The following TBC1D32 variants were observed in gnomAD, a reference collection of about 807,000 sequenced individuals.
The protein encoded by TBC1D32 is protein broad-minded.
A neutral mutation model predicts 170.3 loss-of-function variants in TBC1D32; 151 were observed. The observed-to-expected ratio is 0.89, with a 90% CI of 0.78 to 1.01. The LOEUF (loss-of-function observed/expected upper bound fraction) is 1.01, where lower values mean the gene tolerates loss of function less well. TBC1D32 is among the 50% of genes least tolerant of loss of function. The pLI is 0.00. For synonymous variants in TBC1D32, 498 were observed against 488.0 expected, an observed-to-expected ratio of 1.02 and a Z score of -0.27; for missense variants, 1,464 against 1,457.1, an observed-to-expected ratio of 1.00 and a Z score of -0.08.
At chr6:121,322,045 AG>A (rs1809809621) in intron 1 of TBC1D32, among the ~76,000 whole-genome samples, 4 of 152,142 alleles carry the variant, frequency 2.6e-5, no homozygotes, top group Admixed American at 1.3e-4. Flanking sequence ...AAACTTCAGC[AG>A]GTTAGAAGTC....
intron 22 of TBC1D32, chr6:121,170,291 T>C: frequency 1.9e-6 from 2 of 1,048,648 alleles, no homozygotes; most frequent in Non-Finnish European, 2.6e-6. Flanking sequence ...TTATTTAAAT[T>C]GATTGAATTT....
chr6:121,242,069 A>C, intron 18 of TBC1D32, 132 bp downstream of exon 18: 1 of 874,030 alleles, frequency 1.1e-6, no homozygotes, highest in South Asian at 1.9e-5. Flanking sequence ...AATCAAGTTG[A>C]CTATTACAAT....
chr6:121,185,466 TTGGTTGCCAAA>T (rs1169009111), intron 22 of TBC1D32, among the ~76,000 whole-genome samples: 2 of 152,112 alleles, frequency 1.3e-5, no homozygotes, highest in African/African-American at 4.8e-5. Context: ...CAATGCCAGA[TTGGTTGCCAAA>T]TTTGTATAGG....
chr6:121,324,291 T>C (rs1583765349), intron 1 of TBC1D32, among the ~76,000 whole-genome samples: 1 of 152,290 alleles, frequency 6.6e-6, no homozygotes, highest in East Asian at 1.9e-4. Context: ...AAAAATTACA[T>C]TTTATTCCCC....
intron 22 of TBC1D32, among the ~76,000 whole-genome samples, chr6:121,168,712 T>TAAAAAAAAAAAA (rs59283869): frequency 1.1e-5 from 1 of 93,894 alleles, no homozygotes; most frequent in African/African-American, 3.6e-5. Flanking sequence ...TAGAGTATAA[T>TAAAAAAAAAAAA]AAAAAAAAAA....
intron 20 of TBC1D32, among the ~76,000 whole-genome samples, chr6:121,229,589 C>T (rs981652574): frequency 3.9e-5 from 6 of 152,074 alleles, no homozygotes; most frequent in Non-Finnish European, 8.8e-5. Context: ...CATTAGAGGG[C>T]ACATTAATAA....
intron 22 of TBC1D32, among the ~76,000 whole-genome samples, chr6:121,171,034 G>A (rs1046686801): frequency 1.3e-5 from 2 of 151,848 alleles, no homozygotes; most frequent in African/African-American, 2.4e-5. Context: ...AAAGATACAA[G>A]CAGAAATCAT....
intron 21 of TBC1D32, among the ~76,000 whole-genome samples, chr6:121,211,923 G>C (rs776582733): frequency 1.3e-5 from 2 of 151,650 alleles, no homozygotes; most frequent in Non-Finnish European, 2.9e-5. Context: ...ACAGTTCCTC[G>C]ACCACAGTGC....
chr6:121,080,555 A>T lies in TBC1D32; in HGVS notation c.*216T>A. On this transcript the variant is annotated 3_prime_UTR_variant, in exon 32 of 32. Coordinates refer to ENST00000398212, the MANE Select transcript of TBC1D32 (RefSeq NM_152730.6). Reference sequence around the variant, plus strand: ...CATGAATAAGAACTAAAAGTAAGCTAGATCTGATTCTATAATAACCTTACA... The same window carrying T: ...CATGAATAAGAACTAAAAGTAAGCTTGATCTGATTCTATAATAACCTTACA... 1.9e-6 allele frequency: 1 copy of T among 536,344 alleles called. No homozygotes were observed. The highest frequency in any genetic ancestry group is 3.0e-6 in the Non-Finnish European group (1 of 331,620). 33.2% of individuals were successfully genotyped at this position (536,344 alleles called of 1,614,324 possible). A position where few individuals can be genotyped will look rare whatever the true frequency, so the allele number is the denominator to read the frequency against.
At chr6:121,245,885 A>G in intron 17 of TBC1D32, among the ~76,000 whole-genome samples, 1 of 152,154 alleles carries the variant, frequency 6.6e-6, no homozygotes, top group South Asian at 2.1e-4. Flanking sequence ...AGGTGGATAG[A>G]TTTCCTGCTG....
intron 21 of TBC1D32, among the ~76,000 whole-genome samples, chr6:121,214,683 C>T (rs1351849049): frequency 6.6e-6 from 1 of 152,180 alleles, no homozygotes; most frequent in Non-Finnish European, 1.5e-5. Context: ...TAGATCTGGG[C>T]TACATGAAGG....
chr6:121,160,037 T>C lies in TBC1D32; in HGVS notation c.2746A>G (p.Ile916Val). Residue 916 changes from isoleucine to valine, a missense_variant, in exon 24 of 32, where the codon ATT (isoleucine) becomes GTT (valine). Around this residue, in one of 3 missense-constraint regions of TBC1D32, gnomAD observed 1,363 missense variants for 1,338.1 expected, o/e 1.02. Transcript: ENST00000398212. ...TGTTTTATACCAGCATTTCTTGTAA[T>C]GTCTGACAGATAGCAGTTTGGCAAT... ...YPLPNCYLSD[I>V]TRNAGIKQDN... 1.2e-6 allele frequency: 2 copies of C among 1,607,506 alleles called. No individual in the cohort carries two copies. Among genetic ancestry groups the C allele is most frequent in the Non-Finnish European group, 1.7e-6 (2 of 1,174,686 alleles).
Position 121,116,774 on chromosome 6 carries a change from G to A in TBC1D32, c.2984-1533C>T, listed in dbSNP as rs142465535. ...TGGATGTGTTAAATAGTTCTTCCCT[G>A]TGAAAGAAAAGAGTTCTTACATAGT... On this transcript the variant is annotated intron_variant, in intron 26 of 31. Coordinates refer to ENST00000398212, the MANE Select transcript of TBC1D32 (RefSeq NM_152730.6). Among the ~76,000 whole-genome samples the A allele has an allele frequency of 8.7e-4, 132 of 152,272 alleles. 1 individual carries two copies. The highest frequency in any genetic ancestry group is 3.0e-3 in the African/African-American group (126 of 41,556).
At chr6:121,217,618 G>A (rs776086586) in intron 21 of TBC1D32, among the ~76,000 whole-genome samples, 2 of 152,132 alleles carry the variant, frequency 1.3e-5, no homozygotes, top group African/African-American at 2.4e-5. Context: ...ACAAAGAGGG[G>A]AACAACAGAC....
intron 26 of TBC1D32, among the ~76,000 whole-genome samples, chr6:121,124,526 T>C (rs1780627425): frequency 6.6e-6 from 1 of 152,232 alleles, no homozygotes; most frequent in South Asian, 2.1e-4. Context: ...GAGTGGAATC[T>C]AATTGTTGAC....
chr6:121,092,297 T>G lies in TBC1D32; in HGVS notation c.3466-1256A>C, dbSNP rs1048817981. Among the ~76,000 whole-genome samples the G allele has an allele frequency of 5.4e-4, 41 of 75,478 alleles. No homozygotes were observed. The African/African-American group carries it at 5.9e-3, about 11-fold the overall frequency. 49.5% of individuals were successfully genotyped at this position (75,478 alleles called of 152,430 possible). A position where few individuals can be genotyped will look rare whatever the true frequency, so the allele number is the denominator to read the frequency against. On this transcript the variant is annotated intron_variant, in intron 30 of 31. Coordinates refer to ENST00000398212, the MANE Select transcript of TBC1D32 (RefSeq NM_152730.6). ...TCTCTTCTCCTTCAGTTTTATGTTT[T>G]TTTTTTTTTTTTTTTTTTTTTTTTT...
At chr6:121,274,979 G>C (rs1349228931) in intron 15 of TBC1D32, among the ~76,000 whole-genome samples, 1 of 152,052 alleles carries the variant, frequency 6.6e-6, no homozygotes, top group Non-Finnish European at 1.5e-5. Flanking sequence ...CAAAAAAAAA[G>C]ATTAACTCCA....
chr6:121,212,450 CTTTTTTTTTT>C (rs3076854), intron 21 of TBC1D32, among the ~76,000 whole-genome samples: 1 of 102,100 alleles, frequency 9.8e-6, no homozygotes, highest in African/African-American at 3.2e-5. Context: ...GTCAATATCT[CTTTTTTTTTT>C]TTTTTTTTTT....
Position 121,255,332 on chromosome 6 carries a change from T to C in TBC1D32, c.2014A>G (p.Asn672Asp). 1 of 1,560,838 alleles carries C rather than the reference T, an allele frequency of 6.4e-7. No individual in the cohort carries two copies. Among genetic ancestry groups the C allele is most frequent in the South Asian group, 1.2e-5 (1 of 82,702 alleles). The change falls in exon 17 of 32, where the codon AAC (asparagine) becomes GAC (aspartate). Residue 672 changes from asparagine (N) to aspartate (D), a missense_variant. Asn to Asp is a conservative substitution (Grantham distance 23, BLOSUM62 1). Transcript: ENST00000398212. ...ACTTTCATCAATTGTACTTACATGT[T>C]TTGGGATTCCTGGCTTACTGAAGAA... ...SVSSVSQESQNIMAWEDNLLD... is the reference protein window; with the variant it reads ...SVSSVSQESQDIMAWEDNLLD...
Sources: allele counts gnomAD v4.1 joint callset (sites outside exome capture counted in the v4.1 genomes callset), GRCh38; gene constraint gnomAD v4.1.1; regional missense constraint gnomAD v4.1.1; transcripts MANE v1.5; gene names NCBI Gene and HGNC (gene_info 2026-07-23, HGNC 2026-07-21).